Variants in DPYD observed in about 807,000 individuals in gnomAD.
The protein encoded by DPYD is dihydropyrimidine dehydrogenase [NADP(+)].
In DPYD, 109 loss-of-function variants were observed where a neutral mutation model predicts 116.2. The ratio of observed to expected loss-of-function variants is 0.94; its 90% CI spans 0.80 to 1.10. The LOEUF is 1.10. Among genes scored for constraint, DPYD ranks in the 50% least tolerant of loss-of-function variants. The pLI is 0.00. For synonymous variants in DPYD, 440 were observed against 432.0 expected, an observed-to-expected ratio of 1.02 and a Z score of -0.23; for missense variants, 1,302 against 1,254.5, an observed-to-expected ratio of 1.04 and a Z score of -0.57.
chr1:97,397,618 G>T (rs1396132613), intron 14 of DPYD, among the ~76,000 whole-genome samples: 1 of 152,040 alleles, frequency 6.6e-6, no homozygotes, highest in Admixed American at 6.6e-5. Context: ...GAATCACACA[G>T]TATATAGCTT....
intron 15 of DPYD, 135 bp downstream of exon 15, chr1:97,382,255 TATA>T (rs1199926105): frequency 6.1e-6 from 3 of 489,220 alleles, no homozygotes; most frequent in Non-Finnish European, 1.1e-5. Context: ...GTAAACAAAT[TATA>T]ATAGAAATGT....
intron 19 of DPYD, among the ~76,000 whole-genome samples, chr1:97,203,793 CA>C (rs56819543): frequency 0.016 from 1,025 of 65,504 alleles, 1 homozygote; most frequent in African/African-American, 0.026. Context: ...ATTCACATTC[CA>C]AAAAAAAAAA....
At chr1:97,230,217 A>T (rs555239949) in intron 19 of DPYD, among the ~76,000 whole-genome samples, 194 of 152,364 alleles carry the variant, frequency 1.3e-3, no homozygotes, top group African/African-American at 4.4e-3. Context: ...ACAATAGCAA[A>T]GACATGGAAT....
chr1:97,191,240 G>A (rs1176178331), intron 20 of DPYD, among the ~76,000 whole-genome samples: 2 of 151,910 alleles, frequency 1.3e-5, no homozygotes, highest in South Asian at 2.1e-4. Flanking sequence ...AAAAAAGAAC[G>A]ATTAGGAAAT....
chr1:97,399,897 A>G (rs963039241), intron 14 of DPYD, among the ~76,000 whole-genome samples: 13 of 152,126 alleles, frequency 8.5e-5, no homozygotes, highest in African/African-American at 3.1e-4. Flanking sequence ...TCTGCAAACA[A>G]GGACAATTTG....
chr1:97,680,652 C>A (rs1429050164), intron 7 of DPYD, among the ~76,000 whole-genome samples: 4 of 152,082 alleles, frequency 2.6e-5, no homozygotes, highest in Non-Finnish European at 5.9e-5. Flanking sequence ...TATATGTAAT[C>A]TGAAGCGATC....
At chr1:97,385,353 A>AAAATC (rs1672275631) in intron 14 of DPYD, among the ~76,000 whole-genome samples, 1 of 149,968 alleles carries the variant, frequency 6.7e-6, no homozygotes, top group Non-Finnish European at 1.5e-5. Context: ...TTTGAAAGGA[A>AAAATC]AAATCAACTG....
At position 97,557,308 on chromosome 1, in the gene DPYD, C is replaced by CTTTTTTTTTTTTT. The variant is rs796245332; in HGVS notation, c.1340-7577_1340-7565dup. On this transcript the variant is annotated intron_variant, in intron 11 of 22. Coordinates refer to ENST00000370192, the MANE Select transcript of DPYD (RefSeq NM_000110.4). Reference sequence around the variant, plus strand: ...AAATTTTCTATTCCCTTTTTCTTTTCTTTTTTTTTTTTTTTTTTTTGAGGA... The same window carrying CTTTTTTTTTTTTT: ...AAATTTTCTATTCCCTTTTTCTTTTCTTTTTTTTTTTTTTTTTTTTTTTTTTTTTTTTTGAGGA... 3.5e-4 allele frequency among the ~76,000 whole-genome samples: 38 copies of CTTTTTTTTTTTTT among 107,160 alleles called. 1 individual carries two copies. The highest frequency in any genetic ancestry group is 4.8e-4 in the Non-Finnish European group (26 of 53,840). 70.3% of individuals were successfully genotyped at this position (107,160 alleles called of 152,430 possible).
chr1:97,574,374 C>A (rs113904190), intron 10 of DPYD, among the ~76,000 whole-genome samples: 1 of 151,972 alleles, frequency 6.6e-6, no homozygotes, highest in African/African-American at 2.4e-5. Flanking sequence ...TTGCATACAT[C>A]CAAGCTGGAA....
At chr1:97,712,391 C>A (rs80338463) in intron 5 of DPYD, among the ~76,000 whole-genome samples, 2 of 151,954 alleles carry the variant, frequency 1.3e-5, no homozygotes, top group Non-Finnish European at 2.9e-5. Flanking sequence ...AATTTACAGT[C>A]AACTATTTTT....
At chr1:97,791,641 T>C (rs542069085) in intron 3 of DPYD, among the ~76,000 whole-genome samples, 8 of 152,366 alleles carry the variant, frequency 5.3e-5, no homozygotes, top group Admixed American at 1.3e-4. Flanking sequence ...TTCTTTTTAC[T>C]ACTTTAAAAA....
At chr1:97,843,882 T>C (rs1036504966) in intron 2 of DPYD, among the ~76,000 whole-genome samples, 1 of 152,194 alleles carries the variant, frequency 6.6e-6, no homozygotes, top group Non-Finnish European at 1.5e-5. Flanking sequence ...ACTTAAAATA[T>C]CTTTTTAAAA....
intron 18 of DPYD, among the ~76,000 whole-genome samples, chr1:97,290,973 C>A (rs1190124485): frequency 6.6e-6 from 1 of 151,962 alleles, no homozygotes; most frequent in African/African-American, 2.4e-5. Context: ...CTACAATGAA[C>A]TCAAACAAAT....
intron 8 of DPYD, among the ~76,000 whole-genome samples, chr1:97,661,887 T>A (rs1307140597): frequency 6.6e-6 from 1 of 151,506 alleles, no homozygotes; most frequent in African/African-American, 2.4e-5. Flanking sequence ...TGTATATACA[T>A]ACATACACAC....
At position 97,546,767 on chromosome 1, in the gene DPYD, T is replaced by C. The variant is rs567819776; in HGVS notation, c.1524+2793A>G. 9 of 1,613,178 alleles carry C rather than the reference T, an allele frequency of 5.6e-6. No homozygotes were observed. The East Asian group carries it at 2.0e-4, about 36-fold the overall frequency. ...AAGCCTGGAAATTATCAGTATACTG[T>C]GTTTCTGAGATCAGACTCCTATATG... On this transcript the variant is annotated intron_variant, in intron 12 of 22. Coordinates refer to ENST00000370192, the MANE Select transcript of DPYD (RefSeq NM_000110.4).
intron 14 of DPYD, among the ~76,000 whole-genome samples, chr1:97,438,120 T>C (rs528276856): frequency 1.3e-5 from 2 of 152,184 alleles, no homozygotes; most frequent in South Asian, 4.1e-4. Context: ...CACCAGACTA[T>C]CTCATTACTG....
intron 14 of DPYD, among the ~76,000 whole-genome samples, chr1:97,389,225 T>C (rs1183961945): frequency 6.6e-6 from 1 of 151,578 alleles, no homozygotes; most frequent in Non-Finnish European, 1.5e-5. Context: ...GGAGAATGGC[T>C]TGAGCCCAGG....
intron 20 of DPYD, among the ~76,000 whole-genome samples, chr1:97,113,797 GT>G (rs1651773677): frequency 6.6e-6 from 1 of 152,024 alleles, no homozygotes; most frequent in Non-Finnish European, 1.5e-5. Flanking sequence ...AGGAAAATAT[GT>G]TGTTTAAAAT....
intron 3 of DPYD, among the ~76,000 whole-genome samples, chr1:97,763,790 TA>T (rs1172423423): frequency 6.6e-6 from 1 of 152,090 alleles, no homozygotes; most frequent in Non-Finnish European, 1.5e-5. Context: ...TATTTTAAAA[TA>T]AAAAAGGCAT....
Sources: gnomAD v4.1 joint callset for allele counts (sites outside exome capture counted in the v4.1 genomes callset) on GRCh38, gnomAD v4.1.1 for gene constraint, MANE v1.5 for transcripts, NCBI Gene and HGNC (gene_info 2026-07-23, HGNC 2026-07-21) for gene names.